The following FGF1 variants were observed in gnomAD, a reference collection of about 807,000 sequenced individuals.
The protein encoded by FGF1 is beta-endothelial cell growth factor.
Under a neutral mutation model 13.4 loss-of-function variants are expected in FGF1, and 9 were observed. The observed-to-expected ratio is 0.67, with a 90% CI of 0.40 to 1.17. The LOEUF is 1.17. FGF1 is among the 50% of genes most tolerant of loss of function. The pLI is 0.01. For missense variants in FGF1, 156 were observed against 192.7 expected (o/e 0.81, Z 1.13); for synonymous variants, 93 against 79.0 (o/e 1.18, Z -0.94).
At chr5:142,677,679 G>A (rs1219051970) in intron 1 of FGF1, among the ~76,000 whole-genome samples, 2 of 152,112 alleles carry the variant, frequency 1.3e-5, no homozygotes, top group Non-Finnish European at 2.9e-5. Context: ...CTGAGTCTTG[G>A]CTTTAACACT....
At chr5:142,664,611 G>T (rs1208011224) in intron 1 of FGF1, among the ~76,000 whole-genome samples, 3 of 152,188 alleles carry the variant, frequency 2.0e-5, no homozygotes, top group Non-Finnish European at 2.9e-5. Context: ...CCAATTTACT[G>T]TATCTTAGAT....
intron 2 of FGF1, among the ~76,000 whole-genome samples, chr5:142,606,220 G>C (rs80325608): frequency 1.7e-4 from 19 of 111,134 alleles, no homozygotes; most frequent in Non-Finnish European, 2.5e-4. Context: ...TTCTCTCTCT[G>C]TGTGTGTGTG....
Position 142,600,951 on chromosome 5 carries a change from A to G in FGF1, c.170-146T>C, listed in dbSNP as rs1017101652. On this transcript the variant is annotated intron_variant, in intron 2 of 3. Transcript: ENST00000337706. ...ATGAGCCTCAGATTAATCAAAACAT[A>G]GAAATACAGTCCCTTTTTCTTTGCC... The G allele has an allele frequency of 1.2e-5, 8 of 643,306 alleles. No homozygotes were observed. In the African/African-American group the frequency reaches 1.4e-4, roughly 12 times the overall value. 39.8% of individuals were successfully genotyped at this position (643,306 alleles called of 1,614,324 possible). A position where few individuals can be genotyped will look rare whatever the true frequency, so the allele number is the denominator to read the frequency against.
chr5:142,634,509 A>G (rs1763930791), intron 1 of FGF1, among the ~76,000 whole-genome samples: 1 of 152,228 alleles, frequency 6.6e-6, no homozygotes, highest in East Asian at 1.9e-4. Context: ...CATGGCTGGA[A>G]TTCAGACCCC....
chr5:142,631,168 G>T (rs1037160733), intron 1 of FGF1, among the ~76,000 whole-genome samples: 1 of 152,194 alleles, frequency 6.6e-6, no homozygotes, highest in Non-Finnish European at 1.5e-5. Context: ...GCTCTTTGTT[G>T]TGATGAACTT....
chr5:142,681,351 G>T (rs1662821404), intron 1 of FGF1, among the ~76,000 whole-genome samples: 1 of 152,146 alleles, frequency 6.6e-6, no homozygotes, highest in South Asian at 2.1e-4. Flanking sequence ...AAGGCCCCCT[G>T]GCCCAGCACG....
chr5:142,632,467 C>T (rs1451562844), intron 1 of FGF1, among the ~76,000 whole-genome samples: 1 of 152,172 alleles, frequency 6.6e-6, no homozygotes, highest in Non-Finnish European at 1.5e-5. Flanking sequence ...AGGTCTGTTG[C>T]TTTGGTGTTT....
At chr5:142,651,808 T>A (rs1767299511) in intron 1 of FGF1, among the ~76,000 whole-genome samples, 1 of 151,548 alleles carries the variant, frequency 6.6e-6, no homozygotes, top group Non-Finnish European at 1.5e-5. Context: ...CCTCCATATA[T>A]TTTTTGTGTC....
At chr5:142,679,240 G>T (rs142507937) in intron 1 of FGF1, among the ~76,000 whole-genome samples, 1 of 151,978 alleles carries the variant, frequency 6.6e-6, no homozygotes, top group African/African-American at 2.4e-5. Flanking sequence ...CCTTCCTCCC[G>T]CTCCTTGGTG....
At chr5:142,690,044 G>T (rs1751917688), upstream of FGF1, among the ~76,000 whole-genome samples, 1 of 150,380 alleles carries the variant, frequency 6.6e-6, no homozygotes, top group South Asian at 2.1e-4. Context: ...TACCTTGGCC[G>T]GGCACGGTGG....
chr5:142,649,198 G>A (rs949957437), intron 1 of FGF1, among the ~76,000 whole-genome samples: 1 of 152,010 alleles, frequency 6.6e-6, no homozygotes, highest in East Asian at 1.9e-4. Flanking sequence ...CCCCTTCCTT[G>A]AGGCAACTGC....
chr5:142,686,675 G>C (rs1370850329), upstream of FGF1, among the ~76,000 whole-genome samples: 1 of 151,932 alleles, frequency 6.6e-6, no homozygotes, highest in Non-Finnish European at 1.5e-5. Flanking sequence ...CAACGTGTAT[G>C]TGTGCGTGTG....
intron 1 of FGF1, among the ~76,000 whole-genome samples, chr5:142,616,430 T>C (rs556926579): frequency 1.3e-5 from 2 of 152,264 alleles, no homozygotes; most frequent in Non-Finnish European, 2.9e-5. Flanking sequence ...TGGTGAAACT[T>C]CGATTAATTC....
intron 2 of FGF1, among the ~76,000 whole-genome samples, chr5:142,694,074 CTCTA>C (rs1752680844): frequency 6.8e-6 from 1 of 148,148 alleles, no homozygotes; most frequent in Admixed American, 6.9e-5. Context: ...TTATCTATAT[CTCTA>C]TCTATCTATA....
chr5:142,601,151 C>T, intron 2 of FGF1: 1 of 514,408 alleles, frequency 1.9e-6, no homozygotes, highest in South Asian at 1.4e-5. Context: ...GAGGAAATGG[C>T]ACTCACTCCC....
chr5:142,646,390 C>A (rs990212137), intron 1 of FGF1, among the ~76,000 whole-genome samples: 4 of 151,362 alleles, frequency 2.6e-5, no homozygotes, highest in Non-Finnish European at 5.9e-5. Context: ...TTGCTCTGTC[C>A]CCCAGACTGG....
At chr5:142,681,920 C>T (rs1021948993) in intron 1 of FGF1, among the ~76,000 whole-genome samples, 4 of 152,114 alleles carry the variant, frequency 2.6e-5, no homozygotes, top group Admixed American at 6.5e-5. Flanking sequence ...TGTTGGGGAC[C>T]GGTCCAAAAG....
chr5:142,655,699 C>T (rs576651205), intron 1 of FGF1, among the ~76,000 whole-genome samples: 1 of 152,198 alleles, frequency 6.6e-6, no homozygotes, highest in Non-Finnish European at 1.5e-5. Flanking sequence ...AAATATTGCA[C>T]AAATATTGAG....
At chr5:142,646,302 T>G (rs547490926) in intron 1 of FGF1, among the ~76,000 whole-genome samples, 1 of 142,530 alleles carries the variant, frequency 7.0e-6, no homozygotes, top group Non-Finnish European at 1.5e-5. Flanking sequence ...CTGCAACCTC[T>G]GCTGCCTCAG....
Sources: gnomAD v4.1 joint callset for allele counts (sites outside exome capture counted in the v4.1 genomes callset) on GRCh38, gnomAD v4.1.1 for gene constraint, MANE v1.5 for transcripts, NCBI Gene and HGNC (gene_info 2026-07-23, HGNC 2026-07-21) for gene names.